The following TMEM119 variants were observed in gnomAD, a reference collection of about 807,000 sequenced individuals.
TMEM119 encodes osteoblast induction factor.
For synonymous variants in TMEM119, 182 were observed against 176.4 expected (o/e 1.03, Z -0.25); for missense variants, 410 against 381.0 (o/e 1.08, Z -0.63).
At position 108,590,578 on chromosome 12, in the gene TMEM119, T is replaced by C. The variant is rs2031372397; in HGVS notation, c.*954A>G. On this transcript the variant is annotated 3_prime_UTR_variant, in exon 2 of 2. Coordinates refer to ENST00000392806, the MANE Select transcript of TMEM119 (RefSeq NM_181724.3). ...TGGGCGCAGTGGTGGGCACCTGTAA[T>C]CCCAGCTACTGAGGCGGGAGAATCG... 2 of 152,094 alleles carry C rather than the reference T, an allele frequency of 1.3e-5. No homozygotes were observed. Among genetic ancestry groups the C allele is most frequent in the Admixed American group, 1.3e-4 (2 of 15,270 alleles). The allele number at this position is 152,094 out of a possible 1,614,324, so 9.4% of individuals were successfully genotyped here.
In TMEM119 at chr12:108,592,472, C is replaced by T. The variant is rs755737300; in HGVS notation, c.-14-75G>A. On this transcript the variant is annotated intron_variant, in intron 1 of 1. Transcript: ENST00000392806. This position sits in a 1 kb window ranked among gnomAD's most constrained non-coding sequence, Gnocchi z 4.3. ...AGGATTCAGAAACAGGCTCACCAGC[C>T]CCCAGGAGGAACAGGGAGCATGAAA... The T allele has an allele frequency of 8.9e-5, 128 of 1,441,112 alleles. No homozygotes were observed. The highest frequency in any genetic ancestry group is 1.1e-4 in the Non-Finnish European group (121 of 1,092,010). The allele number at this position is 1,441,112 out of a possible 1,614,324, so 89.3% of individuals were successfully genotyped here.
At position 108,591,372 on chromosome 12, in the gene TMEM119, G is replaced by C. The variant is rs962404016; in HGVS notation, c.*160C>G. The C allele has an allele frequency of 1.5e-5, 13 of 861,296 alleles. No homozygotes were observed. Among genetic ancestry groups the C allele is most frequent in the Non-Finnish European group, 1.9e-5 (11 of 577,218 alleles). The allele number at this position is 861,296 out of a possible 1,614,324, so 53.4% of individuals were successfully genotyped here. A position where few individuals can be genotyped will look rare whatever the true frequency, so the allele number is the denominator to read the frequency against. ...GATTCCTCCGGGGCACCGGGGACCA[G>C]CATTTCTGCCTGCTGTAGAATCAGC... On this transcript the variant is annotated 3_prime_UTR_variant, in exon 2 of 2. Transcript: ENST00000392806. This position sits in a 1 kb window ranked among gnomAD's most constrained non-coding sequence, Gnocchi z 4.2.
Position 108,590,596 on chromosome 12 carries a change from G to A in TMEM119, c.*936C>T, listed in dbSNP as rs1416575191. The A allele has an allele frequency of 6.6e-6, 1 of 152,130 alleles. No individual in the cohort carries two copies. Among genetic ancestry groups the A allele is most frequent in the Non-Finnish European group, 1.5e-5 (1 of 68,030 alleles). The allele number at this position is 152,130 out of a possible 1,614,324, so 9.4% of individuals were successfully genotyped here. A position where few individuals can be genotyped will look rare whatever the true frequency, so the allele number is the denominator to read the frequency against. Reference sequence around the variant, plus strand: ...CCTGTAATCCCAGCTACTGAGGCGGGAGAATCGCTTGAACCTGGGAGGCGG... The same window carrying A: ...CCTGTAATCCCAGCTACTGAGGCGGAAGAATCGCTTGAACCTGGGAGGCGG... On this transcript the variant is annotated 3_prime_UTR_variant, in exon 2 of 2. Coordinates refer to ENST00000392806, the MANE Select transcript of TMEM119 (RefSeq NM_181724.3).
Position 108,592,712 on chromosome 12 carries a change from T to C in TMEM119, c.-14-315A>G, listed in dbSNP as rs1357139318. On this transcript the variant is annotated intron_variant, in intron 1 of 1. Transcript: ENST00000392806. This position sits in a 1 kb window ranked among gnomAD's most constrained non-coding sequence, Gnocchi z 4.3. ...ACGTGGCTGAATTAATAATGATAAT[T>C]TACACTTTCATGACTTTATGTGTCA... Among the ~76,000 whole-genome samples the C allele has an allele frequency of 6.6e-6, 1 of 152,114 alleles. No homozygotes were observed. Among genetic ancestry groups the C allele is most frequent in the African/African-American group, 2.4e-5 (1 of 41,410 alleles).
chr12:108,594,832 C>T (rs753608447), intron 1 of TMEM119, among the ~76,000 whole-genome samples: 5 of 151,954 alleles, frequency 3.3e-5, no homozygotes, highest in African/African-American at 7.3e-5. Flanking sequence ...TTGGGAGGAT[C>T]GCTTGAGCCC....
At chr12:108,595,611 A>G (rs2031493220) in intron 1 of TMEM119, among the ~76,000 whole-genome samples, 1 of 151,338 alleles carries the variant, frequency 6.6e-6, no homozygotes, top group African/African-American at 2.4e-5. Flanking sequence ...ACATGCACAC[A>G]CCACACATAT....
rs2031427633 is a variant in TMEM119, at chr12:108,592,356, G to A, written c.28C>T (p.Leu10Phe). Reference protein sequence around the residue: MVSAAAPSLLILLLLLLGSV... With the variant: MVSAAAPSLFILLLLLLGSV... ...CCCAGGAGCAGCAACAGAAGGATGA[G>A]GAGGCTGGGGGCTGCCGCCGAAACC... The change falls in exon 2 of 2, where the codon CTC becomes TTC. Residue 10 changes from leucine to phenylalanine, a missense_variant. By Grantham distance (22) the Leu-to-Phe change is conservative (BLOSUM62 0). Coordinates refer to ENST00000392806, the MANE Select transcript of TMEM119 (RefSeq NM_181724.3). The surrounding 1 kb of genome is among the most constrained non-coding windows in gnomAD (Gnocchi z 4.3). 3.8e-6 allele frequency: 6 copies of A among 1,570,810 alleles called. No homozygotes were observed.
Position 108,591,574 on chromosome 12 carries a change from G to C in TMEM119, c.810C>G (p.Pro270=), listed in dbSNP as rs747525583. 5 of 1,612,306 alleles carry C rather than the reference G, an allele frequency of 3.1e-6. No individual in the cohort carries two copies. The highest frequency in any genetic ancestry group is 4.2e-6 in the Non-Finnish European group (5 of 1,179,166). Residue 270 remains proline (P), a synonymous_variant, in exon 2 of 2, where the codon CCC becomes CCG. Coordinates refer to ENST00000392806, the MANE Select transcript of TMEM119 (RefSeq NM_181724.3). This position sits in a 1 kb window ranked among gnomAD's most constrained non-coding sequence, Gnocchi z 4.2. ...AQEAQGPVGP[P]ESPCACSSVH... ...CACTGCTGCAAGCACAGGGGCTTTC[G>C]GGGGGACCCACTGGTCCCTGGGCTT...
At chr12:108,596,624 A>G (rs1375050249) in intron 1 of TMEM119, among the ~76,000 whole-genome samples, 1 of 152,234 alleles carries the variant, frequency 6.6e-6, no homozygotes, top group Non-Finnish European at 1.5e-5. Flanking sequence ...CAGAGCCTCA[A>G]AAAAGATGGT....
In TMEM119 at chr12:108,591,933, T is replaced by C. The variant is rs2031410908; in HGVS notation, c.451A>G (p.Ser151Gly). The C allele has an allele frequency of 6.2e-7, 1 of 1,612,968 alleles. No individual in the cohort carries two copies. The highest frequency in any genetic ancestry group is 8.5e-7 in the Non-Finnish European group (1 of 1,179,516). ...SDRAGGPRAF[S>G]EVPDRAPDSR... ...TCGGGGGCTCTGTCGGGGACCTCAC[T>C]GAAGGCCCGGGGGCCCCCGGCCCGG... is the stretch of plus-strand genomic sequence containing the variant. Residue 151 changes from serine to glycine, a missense_variant, in exon 2 of 2, where the codon AGT (serine) becomes GGT (glycine). Coordinates refer to ENST00000392806, the MANE Select transcript of TMEM119 (RefSeq NM_181724.3). This position sits in a 1 kb window ranked among gnomAD's most constrained non-coding sequence, Gnocchi z 4.2.
rs2031427888 is a variant in TMEM119 at position 108,592,364 on chromosome 12, G to A, written c.20C>T (p.Pro7Leu). 6.4e-7 allele frequency: 1 copy of A among 1,564,540 alleles called. No individual in the cohort carries two copies. Among genetic ancestry groups the A allele is most frequent in the Non-Finnish European group, 8.6e-7 (1 of 1,162,812 alleles). ...CAGCAACAGAAGGATGAGGAGGCTG[G>A]GGGCTGCCGCCGAAACCATGGTGCC... MVSAAAPSLLILLLLLL... is the reference protein window; with the variant it reads MVSAAALSLLILLLLLL... Residue 7 changes from proline (P) to leucine (L), a missense_variant, in exon 2 of 2, where the codon CCC (proline) becomes CTC (leucine). By Grantham distance (98) the Pro-to-Leu change is moderately conservative. Transcript: ENST00000392806. The surrounding 1 kb of genome is among the most constrained non-coding windows in gnomAD (Gnocchi z 4.3).
chr12:108,594,776 A>T (rs560575500), intron 1 of TMEM119, among the ~76,000 whole-genome samples: 6 of 151,804 alleles, frequency 4.0e-5, no homozygotes, highest in South Asian at 4.2e-4. Context: ...ACAAAAAAAT[A>T]AAAAAGTAGC....
At chr12:108,596,189 G>A (rs866454252) in intron 1 of TMEM119, among the ~76,000 whole-genome samples, 51 of 152,176 alleles carry the variant, frequency 3.4e-4, no homozygotes, top group African/African-American at 1.2e-3. Flanking sequence ...TTCCCTAGCC[G>A]AACTCCAGGT....
chr12:108,594,988 CTCATCTAAGCCCT>C, intron 1 of TMEM119, among the ~76,000 whole-genome samples: 1 of 152,124 alleles, frequency 6.6e-6, no homozygotes, highest in African/African-American at 2.4e-5. Context: ...CTCGCGGGTA[CTCATCTAAGCCCT>C]TTTCATGCCT....
Position 108,592,474 on chromosome 12 carries a change from C to T in TMEM119, c.-14-77G>A. ...GATTCAGAAACAGGCTCACCAGCCC[C>T]CAGGAGGAACAGGGAGCATGAAACA... On this transcript the variant is annotated intron_variant, in intron 1 of 1. Transcript: ENST00000392806. The surrounding 1 kb of genome is among the most constrained non-coding windows in gnomAD (Gnocchi z 4.3). 7.0e-7 allele frequency: 1 copy of T among 1,434,356 alleles called. No individual in the cohort carries two copies. Among genetic ancestry groups the T allele is most frequent in the Non-Finnish European group, 9.2e-7 (1 of 1,086,326 alleles). 88.9% of individuals were successfully genotyped at this position (1,434,356 alleles called of 1,614,324 possible). A position where few individuals can be genotyped will look rare whatever the true frequency, so the allele number is the denominator to read the frequency against.
Position 108,592,490 on chromosome 12 carries a change from G to A in TMEM119, c.-14-93C>T. The A allele has an allele frequency of 7.4e-7, 1 of 1,343,430 alleles. No homozygotes were observed. Among genetic ancestry groups the A allele is most frequent in the Non-Finnish European group, 9.9e-7 (1 of 1,009,000 alleles). 83.2% of individuals were successfully genotyped at this position (1,343,430 alleles called of 1,614,324 possible). The stretch of plus-strand genomic sequence containing the variant: ...CACCAGCCCCCAGGAGGAACAGGGA[G>A]CATGAAACACCTTCTAGCAAGTCCC... On this transcript the variant is annotated intron_variant, in intron 1 of 1. Coordinates refer to ENST00000392806, the MANE Select transcript of TMEM119 (RefSeq NM_181724.3). This position sits in a 1 kb window ranked among gnomAD's most constrained non-coding sequence, Gnocchi z 4.3.
In TMEM119 at chr12:108,596,904, G is replaced by A. The variant is rs1317236061; in HGVS notation, c.-15+1066C>T. Among the ~76,000 whole-genome samples the A allele has an allele frequency of 3.3e-5, 5 of 152,234 alleles. 1 individual carries two copies. The highest frequency in any genetic ancestry group is 7.3e-5 in the Non-Finnish European group (5 of 68,030). ...CAGGGGTGAGCCCAGCAGAGCCCTG[G>A]ACAGAGAAGCCTGTCTTGGTATATC... On this transcript the variant is annotated intron_variant, in intron 1 of 1. Transcript: ENST00000392806.
intron 1 of TMEM119, among the ~76,000 whole-genome samples, chr12:108,595,595 A>G (rs1405871860): frequency 2.6e-5 from 4 of 151,744 alleles, no homozygotes; most frequent in Admixed American, 2.6e-4. Context: ...ACACACAATC[A>G]TACACACATG....
At chr12:108,593,673 C>T (rs79810854) in intron 1 of TMEM119, among the ~76,000 whole-genome samples, 7,058 of 152,268 alleles carry the variant, frequency 0.046, 551 homozygotes, top group African/African-American at 0.16. Flanking sequence ...CCAGATGAGC[C>T]GGGGGCCTCC....
Sources: gnomAD v4.1 joint callset for allele counts (sites outside exome capture counted in the v4.1 genomes callset) on GRCh38, gnomAD v4.1.1 for gene constraint, Gnocchi (gnomAD v3.1) non-coding constraint, MANE v1.5 for transcripts, NCBI Gene and HGNC (gene_info 2026-07-23, HGNC 2026-07-21) for gene names.